Variants in CDH12 observed in about 807,000 individuals in gnomAD.
The protein encoded by CDH12 is cadherin 12.
In CDH12, 41 loss-of-function variants were observed where a neutral mutation model predicts 74.1. That is an observed-to-expected ratio of 0.55 (90% CI 0.43 to 0.72). CDH12 has a LOEUF of 0.72. CDH12 is among the 30% of genes least tolerant of loss of function. The probability of loss-of-function intolerance (pLI) is 0.00; values close to 1 mark genes in which losing one functional copy is unlikely to be tolerated. For synonymous variants in CDH12, 399 were observed against 355.0 expected (o/e 1.12, Z -1.39); for missense variants, 945 against 977.2 (o/e 0.97, Z 0.44).
At chr5:21,982,401 T>C (rs1757342706) in intron 5 of CDH12, among the ~76,000 whole-genome samples, 3 of 151,976 alleles carry the variant, frequency 2.0e-5, no homozygotes, top group African/African-American at 7.2e-5. Context: ...GCCTTTATAA[T>C]TGTGTGAGCC....
At position 22,097,308 on chromosome 5, in the gene CDH12, C is replaced by T. The variant is rs193127116; in HGVS notation, c.-186-18446G>A. Among the ~76,000 whole-genome samples the T allele has an allele frequency of 3.0e-3, 463 of 152,288 alleles. 2 individuals carry two copies. Among genetic ancestry groups the T allele is most frequent in the Non-Finnish European group, 4.9e-3 (335 of 68,036 alleles). On this transcript the variant is annotated intron_variant, in intron 4 of 14. Coordinates refer to ENST00000382254, the MANE Select transcript of CDH12 (RefSeq NM_004061.5). ...TCCTTCCCAGCTCTTCTCAGCTTAGCGGCTGAAGACTGACACTGCCCGATC... is the reference window on the plus strand; with the variant it reads ...TCCTTCCCAGCTCTTCTCAGCTTAGTGGCTGAAGACTGACACTGCCCGATC...
chr5:22,306,659 G>A (rs142264983), intron 3 of CDH12, among the ~76,000 whole-genome samples: 1,918 of 152,132 alleles, frequency 0.013, 17 homozygotes, highest in Middle Eastern at 0.017. Flanking sequence ...GATTATTACA[G>A]CTCTGGGTTC....
At chr5:21,927,507 C>G (rs1299489692) in intron 6 of CDH12, among the ~76,000 whole-genome samples, 2 of 152,034 alleles carry the variant, frequency 1.3e-5, no homozygotes, top group Non-Finnish European at 2.9e-5. Flanking sequence ...ACAAGAATCA[C>G]TTGAACCCGG....
In CDH12 at chr5:22,747,198, T is replaced by C. The variant is rs561595677; in HGVS notation, c.-523+105860A>G. On this transcript the variant is annotated intron_variant, in intron 1 of 14. Transcript: ENST00000382254. ...TATAAGAAAAATGGTTAAACACTTA[T>C]TATATGTTTATTTTACAGAAAGGCT... 3.9e-5 allele frequency among the ~76,000 whole-genome samples: 6 copies of C among 152,260 alleles called. No homozygotes were observed. The South Asian group carries it at 8.3e-4, about 21-fold the overall frequency.
At chr5:21,846,177 T>G (rs1245886467) in intron 7 of CDH12, among the ~76,000 whole-genome samples, 1 of 152,166 alleles carries the variant, frequency 6.6e-6, no homozygotes, top group Non-Finnish European at 1.5e-5. Context: ...TAACCAGTTT[T>G]TCGCACCTTA....
At chr5:22,375,311 T>G (rs538148084) in intron 3 of CDH12, among the ~76,000 whole-genome samples, 1 of 152,158 alleles carries the variant, frequency 6.6e-6, no homozygotes, top group South Asian at 2.1e-4. Context: ...TATTGAAGAC[T>G]TACACATAAG....
intron 1 of CDH12, among the ~76,000 whole-genome samples, chr5:22,513,028 C>T (rs527854736): frequency 6.6e-6 from 1 of 152,060 alleles, no homozygotes; most frequent in Non-Finnish European, 1.5e-5. Flanking sequence ...CAGGGCGAGA[C>T]GCTGTCTAAA....
intron 1 of CDH12, among the ~76,000 whole-genome samples, chr5:22,651,488 A>T (rs542722036): frequency 2.8e-4 from 43 of 152,186 alleles, no homozygotes; most frequent in African/African-American, 1.0e-3. Flanking sequence ...ATGCAGGAGA[A>T]CTACCAAACA....
chr5:22,385,178 G>T (rs1219063994), intron 3 of CDH12, among the ~76,000 whole-genome samples: 2 of 152,056 alleles, frequency 1.3e-5, no homozygotes, highest in Non-Finnish European at 2.9e-5. Flanking sequence ...TAGATACTTG[G>T]ATCATTTCCC....
At chr5:22,706,638 T>G (rs1454133489) in intron 1 of CDH12, among the ~76,000 whole-genome samples, 1 of 152,108 alleles carries the variant, frequency 6.6e-6, no homozygotes, top group African/African-American at 2.4e-5. Flanking sequence ...TATCATAGTT[T>G]AGTTAGCTCT....
In CDH12 at chr5:22,489,056, C is replaced by CTTTTTTTTTT. The variant is rs10685463; in HGVS notation, c.-428+16204_-428+16213dup. On this transcript the variant is annotated intron_variant, in intron 2 of 14. Transcript: ENST00000382254. ...AGTAATTGCAGTTTTTTGGTACCAC[C>CTTTTTTTTTT]TTTTTTTTTTTTTTTTTTTGAGACA... Among the ~76,000 whole-genome samples, 115 of 37,310 alleles carry CTTTTTTTTTT rather than the reference C, an allele frequency of 3.1e-3. 40 individuals are homozygous for CTTTTTTTTTT. The highest frequency in any genetic ancestry group is 8.2e-3 in the African/African-American group (74 of 9,078). The allele number at this position is 37,310 out of a possible 152,430, so 24.5% of individuals were successfully genotyped here.
intron 1 of CDH12, among the ~76,000 whole-genome samples, chr5:22,812,642 T>C (rs1749206726): frequency 6.6e-6 from 1 of 151,680 alleles, no homozygotes; most frequent in Non-Finnish European, 1.5e-5. Flanking sequence ...TGTTTGGGGG[T>C]GTGGGAAAAG....
intron 2 of CDH12, among the ~76,000 whole-genome samples, chr5:22,462,982 A>G (rs1440468076): frequency 1.3e-5 from 2 of 152,226 alleles, no homozygotes; most frequent in Non-Finnish European, 2.9e-5. Flanking sequence ...AAATGAAGAA[A>G]CAACATTAAG....
chr5:21,973,015 G>A (rs1219098933), intron 6 of CDH12, among the ~76,000 whole-genome samples: 7 of 149,120 alleles, frequency 4.7e-5, no homozygotes, highest in Admixed American at 4.7e-4. Flanking sequence ...AACAGCCTGG[G>A]CAACATAGCT....
At chr5:22,249,775 A>C (rs1226191666) in intron 3 of CDH12, among the ~76,000 whole-genome samples, 1 of 152,198 alleles carries the variant, frequency 6.6e-6, no homozygotes, top group Non-Finnish European at 1.5e-5. Context: ...TTTTTCTGGA[A>C]AGGTAATGGA....
intron 1 of CDH12, among the ~76,000 whole-genome samples, chr5:22,676,920 T>G (rs943983404): frequency 1.3e-5 from 2 of 152,192 alleles, no homozygotes; most frequent in Non-Finnish European, 2.9e-5. Context: ...GAGACTAGAC[T>G]GCATCAGTGG....
chr5:21,880,616 C>CTTTCTCTTTCTTTCTTTCT (rs1752256319), intron 6 of CDH12, among the ~76,000 whole-genome samples: 3 of 50,866 alleles, frequency 5.9e-5, no homozygotes, highest in African/African-American at 8.8e-5. Flanking sequence ...TCCTTCCTTC[C>CTTTCTCTTTCTTTCTTTCT]TTCTTTCTTT....
intron 1 of CDH12, among the ~76,000 whole-genome samples, chr5:22,735,361 T>C (rs889275171): frequency 1.3e-5 from 2 of 151,876 alleles, no homozygotes; most frequent in Non-Finnish European, 2.9e-5. Flanking sequence ...TACTTGAAAA[T>C]TTATGAAATA....
intron 3 of CDH12, among the ~76,000 whole-genome samples, chr5:22,306,277 T>C (rs1383255503): frequency 2.6e-5 from 4 of 152,054 alleles, no homozygotes; most frequent in Admixed American, 6.5e-5. Flanking sequence ...TGCACAATTC[T>C]AGTGAAGTGC....
Sources: allele counts gnomAD v4.1 joint callset (sites outside exome capture counted in the v4.1 genomes callset), GRCh38; gene constraint gnomAD v4.1.1; transcripts MANE v1.5; gene names NCBI Gene and HGNC (gene_info 2026-07-23, HGNC 2026-07-21).